The following HS6ST3 variants were observed in gnomAD, a reference collection of about 807,000 sequenced individuals.
HS6ST3 encodes the protein heparan sulfate 6-O-sulfotransferase 3, also known as heparan-sulfate 6-O-sulfotransferase 3.
HS6ST3 carries 12 observed loss-of-function variants against 36.7 expected under a neutral mutation model. That is an observed-to-expected ratio of 0.33 (90% CI 0.21 to 0.53). The LOEUF is 0.53. HS6ST3 is among the 20% of genes least tolerant of loss of function. The pLI, the probability that HS6ST3 is intolerant of heterozygous loss-of-function variation, is 0.95. For synonymous variants in HS6ST3, 240 were observed against 257.5 expected, an observed-to-expected ratio of 0.93 and a Z score of 0.65; for missense variants, 584 against 640.9, an observed-to-expected ratio of 0.91 and a Z score of 0.96.
chr13:96,770,724 G>C (rs1420761415), intron 1 of HS6ST3, among the ~76,000 whole-genome samples: 1 of 152,166 alleles, frequency 6.6e-6, no homozygotes, highest in African/African-American at 2.4e-5. Context: ...TTCAAACAGT[G>C]CTCACTTTCA....
chr13:96,433,663 G>A lies in HS6ST3; in HGVS notation c.707+342094G>A, dbSNP rs145988411. On this transcript the variant is annotated intron_variant, in intron 1 of 1. Coordinates refer to ENST00000376705, the MANE Select transcript of HS6ST3 (RefSeq NM_153456.4). ...TTAAACCTCTTTCCTGGCTGGGTGC[G>A]GTGGCTCACACCTGTAATTTTAGCA... Among the ~76,000 whole-genome samples, 374 of 152,262 alleles carry A rather than the reference G, an allele frequency of 2.5e-3. 1 individual carries two copies. The highest frequency in any genetic ancestry group is 4.2e-3 in the Non-Finnish European group (288 of 68,024).
intron 1 of HS6ST3, among the ~76,000 whole-genome samples, chr13:96,188,191 CAT>C (rs2054273137): frequency 6.6e-6 from 1 of 152,158 alleles, no homozygotes; most frequent in Admixed American, 6.5e-5. Flanking sequence ...ATTTAACAAA[CAT>C]GAGAGAACTT....
intron 1 of HS6ST3, among the ~76,000 whole-genome samples, chr13:96,614,619 A>G (rs1236146128): frequency 6.6e-6 from 1 of 152,234 alleles, no homozygotes; most frequent in East Asian, 1.9e-4. Flanking sequence ...TTAACTTGTG[A>G]AAGTCCAATT....
At chr13:96,703,443 ATGT>A (rs1199432154) in intron 1 of HS6ST3, among the ~76,000 whole-genome samples, 1 of 152,212 alleles carries the variant, frequency 6.6e-6, no homozygotes, top group Non-Finnish European at 1.5e-5. Context: ...AATGAAAATA[ATGT>A]TGTGCTCTCA....
intron 1 of HS6ST3, among the ~76,000 whole-genome samples, chr13:96,570,263 A>G (rs945624612): frequency 6.6e-6 from 1 of 152,206 alleles, no homozygotes; most frequent in Non-Finnish European, 1.5e-5. Context: ...TTTGGGGCCT[A>G]CATTTTTATA....
intron 1 of HS6ST3, among the ~76,000 whole-genome samples, chr13:96,733,749 G>A (rs531970274): frequency 3.9e-5 from 6 of 152,230 alleles, no homozygotes; most frequent in East Asian, 3.9e-4. Flanking sequence ...TTGGCATACC[G>A]TGAGCTCTGG....
At chr13:96,818,101 C>A (rs1394280544) in intron 1 of HS6ST3, among the ~76,000 whole-genome samples, 3 of 143,250 alleles carry the variant, frequency 2.1e-5, no homozygotes, top group African/African-American at 7.7e-5. Flanking sequence ...TTCAATCATG[C>A]CTGAAGAAAA....
At chr13:96,365,033 T>C (rs1327627753) in intron 1 of HS6ST3, among the ~76,000 whole-genome samples, 1 of 152,172 alleles carries the variant, frequency 6.6e-6, no homozygotes, top group African/African-American at 2.4e-5. Flanking sequence ...TAAGTACTTA[T>C]TTAAATGGAC....
At chr13:96,635,622 T>C (rs2056546877) in intron 1 of HS6ST3, among the ~76,000 whole-genome samples, 1 of 152,216 alleles carries the variant, frequency 6.6e-6, no homozygotes, top group African/African-American at 2.4e-5. Context: ...ACAAATATTA[T>C]GCTTATGCAT....
chr13:96,663,275 T>G lies in HS6ST3; in HGVS notation c.708-169215T>G, dbSNP rs556684749. Reference sequence around the variant, plus strand: ...CCTGACTCTCAGTTTAGACTGTTATTTATCTCCAGGCCACAATGTACCTGA... The same window carrying G: ...CCTGACTCTCAGTTTAGACTGTTATGTATCTCCAGGCCACAATGTACCTGA... On this transcript the variant is annotated intron_variant, in intron 1 of 1. Transcript: ENST00000376705. 5.9e-5 allele frequency among the ~76,000 whole-genome samples: 9 copies of G among 152,284 alleles called. 1 individual carries two copies. Among genetic ancestry groups the G allele is most frequent in the Middle Eastern group, 3.4e-3 (1 of 294 alleles).
intron 1 of HS6ST3, among the ~76,000 whole-genome samples, chr13:96,185,080 T>C (rs963797236): frequency 6.6e-6 from 1 of 152,206 alleles, no homozygotes; most frequent in Admixed American, 6.5e-5. Context: ...AATTGTGTAT[T>C]TGTAGTTTGT....
chr13:96,802,994 G>A lies in HS6ST3; in HGVS notation c.708-29496G>A, dbSNP rs189494076. ...CATAACCTCCCTCATCCCCAATAAC[G>A]TGGAAACAGATAATTATTCTACCCT... On this transcript the variant is annotated intron_variant, in intron 1 of 1. Transcript: ENST00000376705. 5.9e-5 allele frequency among the ~76,000 whole-genome samples: 9 copies of A among 152,126 alleles called. No individual in the cohort carries two copies. In the East Asian group the frequency reaches 1.4e-3, roughly 23 times the overall value.
chr13:96,458,382 T>G (rs1366514540), intron 1 of HS6ST3, among the ~76,000 whole-genome samples: 1 of 152,224 alleles, frequency 6.6e-6, no homozygotes, highest in Non-Finnish European at 1.5e-5. Flanking sequence ...TGCTTCCATC[T>G]TATTACAAAA....
chr13:96,409,045 A>G (rs2055494189), intron 1 of HS6ST3, among the ~76,000 whole-genome samples: 2 of 152,240 alleles, frequency 1.3e-5, no homozygotes, highest in African/African-American at 2.4e-5. Context: ...GAAACACCCA[A>G]GGGATTCTGA....
At chr13:96,197,887 C>T (rs2054322087) in intron 1 of HS6ST3, among the ~76,000 whole-genome samples, 1 of 152,180 alleles carries the variant, frequency 6.6e-6, no homozygotes, top group Non-Finnish European at 1.5e-5. Flanking sequence ...TCTCACAGCT[C>T]CACTGGGCAG....
At chr13:96,603,545 G>T (rs2056428851) in intron 1 of HS6ST3, among the ~76,000 whole-genome samples, 1 of 152,026 alleles carries the variant, frequency 6.6e-6, no homozygotes. Flanking sequence ...AACTTTGTAG[G>T]TATATGTATT....
intron 1 of HS6ST3, among the ~76,000 whole-genome samples, chr13:96,758,663 T>G (rs535309302): frequency 2.6e-5 from 4 of 152,046 alleles, no homozygotes; most frequent in African/African-American, 9.6e-5. Context: ...AATTTCCAGA[T>G]ACTTGGGGAT....
chr13:96,785,530 T>G (rs1167368104), intron 1 of HS6ST3, among the ~76,000 whole-genome samples: 1 of 152,190 alleles, frequency 6.6e-6, no homozygotes, highest in African/African-American at 2.4e-5. Flanking sequence ...GCCTGTCTCC[T>G]GGTCCACTGT....
intron 1 of HS6ST3, among the ~76,000 whole-genome samples, chr13:96,099,477 T>A (rs953614439): frequency 6.6e-6 from 1 of 152,218 alleles, no homozygotes; most frequent in African/African-American, 2.4e-5. Context: ...TATAGTTTTA[T>A]TTTTTATGGG....
Sources: gnomAD v4.1 joint callset for allele counts (sites outside exome capture counted in the v4.1 genomes callset) on GRCh38, gnomAD v4.1.1 for gene constraint, MANE v1.5 for transcripts, NCBI Gene and HGNC (gene_info 2026-07-23, HGNC 2026-07-21) for gene names.